Variants in SCTR observed in about 807,000 individuals in gnomAD.
SCTR encodes secretin receptor, also known as pancreatic secretin receptor.
In SCTR, 56 loss-of-function variants were observed where a neutral mutation model predicts 60.8. The observed-to-expected ratio is 0.92, with a 90% CI of 0.74 to 1.15. The LOEUF is 1.15. Ranked by LOEUF, SCTR falls within the 50% of genes most tolerant of loss-of-function variation. The probability of loss-of-function intolerance (pLI) is 0.00; values close to 1 mark genes in which losing one functional copy is unlikely to be tolerated. For synonymous variants in SCTR, 202 were observed against 217.0 expected, an observed-to-expected ratio of 0.93 and a Z score of 0.61; for missense variants, 562 against 550.4, an observed-to-expected ratio of 1.02 and a Z score of -0.21.
chr2:119,485,851 C>G (rs983908113), intron 2 of SCTR: 11 of 152,878 alleles, frequency 7.2e-5, no homozygotes, highest in African/African-American at 2.4e-4. Context: ...CCCACAGTGG[C>G]TTAGGACGAG....
rs189813438 is a variant in SCTR, at chr2:119,461,303, G to A, written c.790+544C>T. Among the ~76,000 whole-genome samples the A allele has an allele frequency of 3.1e-3, 476 of 152,292 alleles. 1 individual carries two copies. Among genetic ancestry groups the A allele is most frequent in the Middle Eastern group, 0.02 (6 of 294 alleles). On this transcript the variant is annotated intron_variant, in intron 7 of 12. Coordinates refer to ENST00000019103, the MANE Select transcript of SCTR (RefSeq NM_002980.3). ...GAGGCAACAAGTATTGGGTGGGAACGAACTGTAAAAAGCTCTAGATGCCAG... is the reference window on the plus strand; with the variant it reads ...GAGGCAACAAGTATTGGGTGGGAACAAACTGTAAAAAGCTCTAGATGCCAG...
chr2:119,485,566 G>T (rs546669277), intron 2 of SCTR, among the ~76,000 whole-genome samples: 35 of 152,352 alleles, frequency 2.3e-4, no homozygotes, highest in Admixed American at 9.8e-4. Context: ...GGAGCAATGT[G>T]TCAGGCTGCA....
intron 1 of SCTR, among the ~76,000 whole-genome samples, chr2:119,516,073 T>C (rs1679106102): frequency 2.0e-5 from 3 of 152,192 alleles, no homozygotes; most frequent in African/African-American, 7.2e-5. Flanking sequence ...GAACAAGTGC[T>C]AACAATGATG....
chr2:119,473,427 C>G (rs202037263), intron 4 of SCTR, 26 bp downstream of exon 4: 2 of 1,538,086 alleles, frequency 1.3e-6, no homozygotes, highest in Non-Finnish European at 1.8e-6. Flanking sequence ...TCCCCGGGTT[C>G]GTGGGGTGGA....
At chr2:119,448,661 C>A in intron 10 of SCTR, 28 bp downstream of exon 10, 1 of 1,234,110 alleles carries the variant, frequency 8.1e-7, no homozygotes, top group South Asian at 1.2e-5. Flanking sequence ...GCTGACTGAC[C>A]ATGCCTCAGT....
At chr2:119,508,742 T>C (rs1285367648) in intron 1 of SCTR, among the ~76,000 whole-genome samples, 1 of 152,340 alleles carries the variant, frequency 6.6e-6, no homozygotes, top group Middle Eastern at 3.4e-3. Flanking sequence ...ATTATGCACA[T>C]GTTGTTTTGA....
Position 119,448,716 on chromosome 2 carries a change from G to T in SCTR, c.986C>A (p.Thr329Lys). The T allele has an allele frequency of 6.3e-7, 1 of 1,599,538 alleles. No individual in the cohort carries two copies. Among genetic ancestry groups the T allele is most frequent in the Non-Finnish European group, 8.6e-7 (1 of 1,166,808 alleles). The stretch of plus-strand genomic sequence containing the variant: ...ATAATGGCTGACTTCATTTCCTCTT[G>T]TTTCTTGGGTTCTAAGTTTTCTCAT... ...ILMRKLRTQE[T>K]RGNEVSHYKR... The change falls in exon 10 of 13, where the codon ACA (threonine) becomes AAA (lysine). Residue 329 changes from threonine to lysine, a missense_variant. Physicochemically the swap from Thr to Lys is moderately conservative, Grantham distance 78. Transcript: ENST00000019103.
Position 119,514,420 on chromosome 2 carries a change from G to A in SCTR, c.72+9735C>T, listed in dbSNP as rs570482020. 7.2e-4 allele frequency among the ~76,000 whole-genome samples: 109 copies of A among 152,288 alleles called. 1 individual carries two copies. Among genetic ancestry groups the A allele is most frequent in the Admixed American group, 2.1e-3 (32 of 15,288 alleles). On this transcript the variant is annotated intron_variant, in intron 1 of 12. Coordinates refer to ENST00000019103, the MANE Select transcript of SCTR (RefSeq NM_002980.3). ...GCATCCATATACTATCCTGTAGAAAGCAACAGAAAAATCCAGTCTGCAGAG... is the reference window on the plus strand; with the variant it reads ...GCATCCATATACTATCCTGTAGAAAACAACAGAAAAATCCAGTCTGCAGAG...
chr2:119,513,214 C>T (rs1679011812), intron 1 of SCTR, among the ~76,000 whole-genome samples: 1 of 152,248 alleles, frequency 6.6e-6, no homozygotes, highest in Admixed American at 6.5e-5. Flanking sequence ...ACAGCTATCA[C>T]TTCATCACTT....
At chr2:119,511,481 T>G (rs1318471541) in intron 1 of SCTR, among the ~76,000 whole-genome samples, 2 of 152,214 alleles carry the variant, frequency 1.3e-5, no homozygotes, top group Non-Finnish European at 2.9e-5. Flanking sequence ...GTACATTTTG[T>G]TTTTCCTGAG....
intron 2 of SCTR, among the ~76,000 whole-genome samples, chr2:119,492,695 C>T (rs62158528): frequency 0.08 from 12,244 of 152,162 alleles, 1,081 homozygotes; most frequent in East Asian, 0.49. Context: ...AACCTGTACC[C>T]CTCAAGCAAT....
At chr2:119,509,283 A>G (rs1678857459) in intron 1 of SCTR, among the ~76,000 whole-genome samples, 1 of 152,174 alleles carries the variant, frequency 6.6e-6, no homozygotes, top group Non-Finnish European at 1.5e-5. Context: ...CTCAACTGTA[A>G]ATGCCAAGAG....
At chr2:119,509,769 C>T (rs1411394349) in intron 1 of SCTR, among the ~76,000 whole-genome samples, 2 of 152,064 alleles carry the variant, frequency 1.3e-5, no homozygotes, top group African/African-American at 2.4e-5. Context: ...TCCATTACCC[C>T]GAACAGAAGC....
chr2:119,450,054 G>A (rs1413429535), intron 9 of SCTR, among the ~76,000 whole-genome samples: 19 of 113,802 alleles, frequency 1.7e-4, no homozygotes, highest in African/African-American at 7.8e-4. Flanking sequence ...AAAGAAAAAA[G>A]AAAGAAAAAG....
At chr2:119,501,765 C>CA (rs1558876398) in intron 1 of SCTR, among the ~76,000 whole-genome samples, 1 of 149,760 alleles carries the variant, frequency 6.7e-6, no homozygotes, top group Non-Finnish European at 1.5e-5. Context: ...ATACACCAAT[C>CA]AAAAAATACA....
intron 1 of SCTR, among the ~76,000 whole-genome samples, chr2:119,498,259 T>C (rs1430017013): frequency 2.0e-5 from 3 of 152,158 alleles, no homozygotes; most frequent in Non-Finnish European, 4.4e-5. Context: ...CCATGAATCC[T>C]ATACTCAGTA....
intron 1 of SCTR, among the ~76,000 whole-genome samples, chr2:119,507,504 C>G (rs2579605): frequency 0.5 from 75,953 of 151,774 alleles, 19,928 homozygotes; most frequent in African/African-American, 0.66. Flanking sequence ...AACTCGTCCC[C>G]TGGCTGTCAC....
intron 1 of SCTR, among the ~76,000 whole-genome samples, chr2:119,506,414 A>T (rs1443439719): frequency 5.3e-5 from 8 of 152,208 alleles, no homozygotes; most frequent in Non-Finnish European, 7.3e-5. Context: ...CGAAGAAATT[A>T]CATACTATAT....
chr2:119,483,354 C>T (rs1466381273), intron 2 of SCTR, among the ~76,000 whole-genome samples: 1 of 152,218 alleles, frequency 6.6e-6, no homozygotes, highest in Non-Finnish European at 1.5e-5. Flanking sequence ...GGTGACAGAG[C>T]TGGTGATAAT....
Sources: gnomAD v4.1 joint callset for allele counts (sites outside exome capture counted in the v4.1 genomes callset) on GRCh38, gnomAD v4.1.1 for gene constraint, MANE v1.5 for transcripts, NCBI Gene and HGNC (gene_info 2026-07-23, HGNC 2026-07-21) for gene names.